The following NXPH1 variants were observed in gnomAD, a reference collection of about 807,000 sequenced individuals.
NXPH1 encodes the protein neurexophilin 1.
In NXPH1, 5 loss-of-function variants were observed where a neutral mutation model predicts 23.7. The ratio of observed to expected loss-of-function variants is 0.21; its 90% confidence interval spans 0.11 to 0.44. The LOEUF (loss-of-function observed/expected upper bound fraction) is 0.44. Ranked by LOEUF, NXPH1 falls within the 20% of genes least tolerant of loss-of-function variation. The pLI is 0.99. For missense variants in NXPH1, 324 were observed against 321.6 expected, an observed-to-expected ratio of 1.01 and a Z score of -0.06; for synonymous variants, 144 against 122.2, an observed-to-expected ratio of 1.18 and a Z score of -1.18.
intron 2 of NXPH1, among the ~76,000 whole-genome samples, chr7:8,694,185 C>T (rs1014822157): frequency 6.6e-6 from 1 of 152,120 alleles, no homozygotes; most frequent in Admixed American, 6.6e-5. Context: ...TTTCCTCAAG[C>T]TGCATGTCAT....
At chr7:8,505,269 T>C (rs1385676768) in intron 2 of NXPH1, among the ~76,000 whole-genome samples, 1 of 152,010 alleles carries the variant, frequency 6.6e-6, no homozygotes, top group Non-Finnish European at 1.5e-5. Context: ...AGTCACTGCT[T>C]GGTTTTCAAA....
At chr7:8,550,210 G>A (rs1369341482) in intron 2 of NXPH1, among the ~76,000 whole-genome samples, 2 of 151,598 alleles carry the variant, frequency 1.3e-5, no homozygotes, top group African/African-American at 4.8e-5. Context: ...CCTAGTGACA[G>A]CCATCAGTGG....
At chr7:8,742,213 C>G (rs1261619309) in intron 2 of NXPH1, among the ~76,000 whole-genome samples, 1 of 152,104 alleles carries the variant, frequency 6.6e-6, no homozygotes, top group Non-Finnish European at 1.5e-5. Flanking sequence ...ATGGATGACT[C>G]ATTTTATCCT....
At chr7:8,493,479 T>C (rs188928728) in intron 2 of NXPH1, among the ~76,000 whole-genome samples, 127 of 152,140 alleles carry the variant, frequency 8.3e-4, no homozygotes, top group African/African-American at 2.9e-3. Context: ...ATTTGGACTA[T>C]GTGAAGAAAG....
chr7:8,462,453 G>T (rs555571726), intron 2 of NXPH1, among the ~76,000 whole-genome samples: 1 of 152,176 alleles, frequency 6.6e-6, no homozygotes. Flanking sequence ...CTGGTAATAG[G>T]TTCTGCTATT....
At chr7:8,453,511 T>C (rs1244911444) in intron 2 of NXPH1, among the ~76,000 whole-genome samples, 1 of 152,174 alleles carries the variant, frequency 6.6e-6, no homozygotes, top group African/African-American at 2.4e-5. Context: ...ACGCTCTTAC[T>C]CATGAGTTGT....
chr7:8,666,682 T>C (rs1162074835), intron 2 of NXPH1, among the ~76,000 whole-genome samples: 1 of 152,090 alleles, frequency 6.6e-6, no homozygotes, highest in African/African-American at 2.4e-5. Flanking sequence ...TAGAAGACTT[T>C]TTATTGCTTA....
chr7:8,710,398 G>C (rs928104363), intron 2 of NXPH1, among the ~76,000 whole-genome samples: 1 of 152,170 alleles, frequency 6.6e-6, no homozygotes, highest in Non-Finnish European at 1.5e-5. Context: ...TCTTCCATGA[G>C]GGAGGAGGGA....
intron 2 of NXPH1, among the ~76,000 whole-genome samples, chr7:8,483,162 G>A (rs1436731072): frequency 6.6e-6 from 1 of 151,974 alleles, no homozygotes; most frequent in East Asian, 1.9e-4. Context: ...CCTATTAATA[G>A]TGCTGTGGGA....
intron 2 of NXPH1, among the ~76,000 whole-genome samples, chr7:8,584,456 A>G (rs1818941227): frequency 6.6e-6 from 1 of 152,174 alleles, no homozygotes; most frequent in Non-Finnish European, 1.5e-5. Context: ...ATTATATATA[A>G]GCTATTTAGG....
intron 2 of NXPH1, among the ~76,000 whole-genome samples, chr7:8,464,638 C>T (rs1344817280): frequency 6.6e-6 from 1 of 152,100 alleles, no homozygotes; most frequent in Non-Finnish European, 1.5e-5. Flanking sequence ...TTAAGGCAAC[C>T]TAGAAAAGAT....
intron 2 of NXPH1, among the ~76,000 whole-genome samples, chr7:8,690,067 T>C (rs1821201509): frequency 6.6e-6 from 1 of 152,216 alleles, no homozygotes; most frequent in African/African-American, 2.4e-5. Context: ...AATAGTGTAA[T>C]GTGAGTATTT....
chr7:8,595,748 C>T (rs907397349), intron 2 of NXPH1, among the ~76,000 whole-genome samples: 118 of 151,572 alleles, frequency 7.8e-4, no homozygotes, highest in African/African-American at 2.4e-3. Flanking sequence ...TGTGCATGTG[C>T]GCTTCTGGGG....
chr7:8,529,496 C>G (rs1200069764), intron 2 of NXPH1, among the ~76,000 whole-genome samples: 1 of 152,280 alleles, frequency 6.6e-6, no homozygotes, highest in Admixed American at 6.5e-5. Flanking sequence ...TCACACCTGC[C>G]AAGATCTATT....
intron 2 of NXPH1, among the ~76,000 whole-genome samples, chr7:8,524,504 T>C (rs17150479): frequency 0.23 from 35,621 of 152,008 alleles, 4,307 homozygotes; most frequent in East Asian, 0.3. Context: ...TTGGAAATCA[T>C]AGCATGGATT....
intron 2 of NXPH1, among the ~76,000 whole-genome samples, chr7:8,472,077 T>A (rs1816880845): frequency 6.6e-6 from 1 of 152,064 alleles, no homozygotes; most frequent in African/African-American, 2.4e-5. Context: ...CCAAACACAG[T>A]AGCTATTATT....
At chr7:8,673,573 T>C (rs565008796) in intron 2 of NXPH1, among the ~76,000 whole-genome samples, 1 of 152,300 alleles carries the variant, frequency 6.6e-6, no homozygotes, top group Admixed American at 6.5e-5. Flanking sequence ...ACTAGCTGTA[T>C]TATCTTGGGC....
intron 2 of NXPH1, among the ~76,000 whole-genome samples, chr7:8,606,597 C>T (rs1819497579): frequency 6.6e-6 from 1 of 152,160 alleles, no homozygotes; most frequent in African/African-American, 2.4e-5. Context: ...GAAGTTAAGG[C>T]ATGGTTTTTG....
chr7:8,746,847 C>T (rs867013236), intron 2 of NXPH1, among the ~76,000 whole-genome samples: 40 of 144,656 alleles, frequency 2.8e-4, no homozygotes, highest in African/African-American at 9.9e-4. Flanking sequence ...TTCTCCCCCG[C>T]TTTCCCCCAC....
Sources: allele counts gnomAD v4.1 joint callset (sites outside exome capture counted in the v4.1 genomes callset), GRCh38; gene constraint gnomAD v4.1.1; transcripts MANE v1.5; gene names NCBI Gene and HGNC (gene_info 2026-07-23, HGNC 2026-07-21).